Variants in C2orf80 observed in about 807,000 individuals in gnomAD.
C2orf80 encodes the protein chromosome 2 open reading frame 80.
A neutral mutation model predicts 30.2 loss-of-function variants in C2orf80; 28 were observed. That is an observed-to-expected ratio of 0.93 (90% CI 0.69 to 1.27). The LOEUF is 1.27. C2orf80 is among the 50% of genes most tolerant of loss of function. The probability of loss-of-function intolerance (pLI) is 0.00; values close to 1 mark genes in which losing one functional copy is unlikely to be tolerated. For missense variants in C2orf80, 220 were observed against 231.0 expected (o/e 0.95, Z 0.31); for synonymous variants, 80 against 76.4 (o/e 1.05, Z -0.24).
In C2orf80 at chr2:208,165,788, A is replaced by G; in HGVS notation, c.*19T>C. 1 of 1,612,540 alleles carries G rather than the reference A, an allele frequency of 6.2e-7. No homozygotes were observed. The highest frequency in any genetic ancestry group is 8.5e-7 in the Non-Finnish European group (1 of 1,179,576). ...CCCAGAGAATCTATTATGAAGTTCC[A>G]TGGTACAATTCCAATTTTCTAAGTG... On this transcript the variant is annotated 3_prime_UTR_variant, in exon 9 of 9. Coordinates refer to ENST00000341287, the MANE Select transcript of C2orf80 (RefSeq NM_001099334.3).
At chr2:208,166,972 T>G (rs2105887113) in intron 8 of C2orf80, among the ~76,000 whole-genome samples, 1 of 152,246 alleles carries the variant, frequency 6.6e-6, no homozygotes, top group East Asian at 1.9e-4. Flanking sequence ...TTTCTAAGCC[T>G]TTACACATAT....
chr2:208,171,954 A>C, intron 7 of C2orf80, 34 bp downstream of exon 7: 1 of 1,546,500 alleles, frequency 6.5e-7, no homozygotes, highest in Non-Finnish European at 8.9e-7. Context: ...TTTGACTTAC[A>C]TTCCTCTAAG....
chr2:208,170,880 G>A, intron 8 of C2orf80, 65 bp downstream of exon 8: 1 of 1,289,984 alleles, frequency 7.8e-7, no homozygotes, highest in Non-Finnish European at 1.1e-6. Flanking sequence ...TTTAACCACG[G>A]TATCAGGAAA....
intron 6 of C2orf80, among the ~76,000 whole-genome samples, chr2:208,180,499 G>A (rs1696521897): frequency 6.6e-6 from 1 of 151,088 alleles, no homozygotes; most frequent in African/African-American, 2.4e-5. Flanking sequence ...CCCCAAGCCT[G>A]GTACTCATTG....
chr2:208,177,679 A>T (rs550017166), intron 6 of C2orf80, among the ~76,000 whole-genome samples: 65 of 152,266 alleles, frequency 4.3e-4, no homozygotes, highest in South Asian at 3.7e-3. Context: ...AATGGGGACT[A>T]TGTGTCACTG....
intron 2 of C2orf80, among the ~76,000 whole-genome samples, chr2:208,185,448 T>C (rs1696690252): frequency 6.6e-6 from 1 of 152,230 alleles, no homozygotes; most frequent in African/African-American, 2.4e-5. Flanking sequence ...TAGGTAAGTA[T>C]TCTTTTGCCG....
intron 6 of C2orf80, among the ~76,000 whole-genome samples, chr2:208,177,402 G>A (rs149246883): frequency 0.052 from 7,921 of 151,910 alleles, 620 homozygotes; most frequent in African/African-American, 0.17. Flanking sequence ...TTAGCCAGGC[G>A]TGGTAACGCA....
intron 1 of C2orf80, among the ~76,000 whole-genome samples, chr2:208,188,639 G>A (rs535614554): frequency 6.6e-6 from 1 of 152,034 alleles, no homozygotes; most frequent in East Asian, 1.9e-4. Flanking sequence ...GTAGAGACCG[G>A]GTGGTGTCAT....
intron 6 of C2orf80, among the ~76,000 whole-genome samples, chr2:208,176,289 C>T (rs1194178364): frequency 6.6e-6 from 1 of 152,154 alleles, no homozygotes; most frequent in Non-Finnish European, 1.5e-5. Flanking sequence ...AATTCCCCTG[C>T]CTCAGCCTCC....
In C2orf80 at chr2:208,179,540, C is replaced by T. The variant is rs573073076; in HGVS notation, c.366+1205G>A. Among the ~76,000 whole-genome samples, 9 of 152,322 alleles carry T rather than the reference C, an allele frequency of 5.9e-5. No individual in the cohort carries two copies. In the South Asian group the frequency reaches 1.7e-3, roughly 28 times the overall value. The stretch of plus-strand genomic sequence containing the variant: ...CCCCCCTCCCACTGCATGGCCCTCG[C>T]CACCTCACCTTCCCTTTCCTCTTGC... On this transcript the variant is annotated intron_variant, in intron 6 of 8. Coordinates refer to ENST00000341287, the MANE Select transcript of C2orf80 (RefSeq NM_001099334.3).
chr2:208,185,106 T>TTC (rs536100619), intron 2 of C2orf80, 74 bp from the exon 3 acceptor site: 348 of 965,094 alleles, frequency 3.6e-4, no homozygotes, highest in South Asian at 5.6e-4. Flanking sequence ...CTTTTTTTTT[T>TTC]CCCATCCCTC....
chr2:208,176,679 C>A (rs1696307524), intron 6 of C2orf80, among the ~76,000 whole-genome samples: 1 of 152,004 alleles, frequency 6.6e-6, no homozygotes, highest in South Asian at 2.1e-4. Flanking sequence ...ATTCCCACGA[C>A]AACCCCATCT....
chr2:208,176,971 A>ATATCTGTATACATATGTATACATATCTG (rs1491445115), intron 6 of C2orf80, among the ~76,000 whole-genome samples: 1 of 106,010 alleles, frequency 9.4e-6, no homozygotes, highest in Non-Finnish European at 2.1e-5. Flanking sequence ...ATATGTATAC[A>ATATCTGTATACATATGTATACATATCTG]TATATACAGA....
intron 1 of C2orf80, among the ~76,000 whole-genome samples, chr2:208,189,102 A>G (rs1696803751): frequency 6.6e-6 from 1 of 152,248 alleles, no homozygotes; most frequent in Admixed American, 6.5e-5. Flanking sequence ...AAAGTCTGGC[A>G]TGCATTAAAA....
At chr2:208,168,414 C>T (rs7589065) in intron 8 of C2orf80, 164,450 of 279,270 alleles carry the variant, frequency 0.59, 52,479 homozygotes, top group Non-Finnish European at 0.7. Context: ...TGGCTCAAGC[C>T]TGTAATCCCA....
At chr2:208,177,828 A>ATTT (rs1230908671) in intron 6 of C2orf80, among the ~76,000 whole-genome samples, 1 of 146,714 alleles carries the variant, frequency 6.8e-6, no homozygotes, top group Admixed American at 6.8e-5. Context: ...TTATTTATTT[A>ATTT]TTTTTTATTT....
At position 208,176,950 on chromosome 2, in the gene C2orf80, T is replaced by TGTATACAC. The variant is rs1553597412; in HGVS notation, c.366+3794_366+3795insGTGTATAC. Among the ~76,000 whole-genome samples the TGTATACAC allele has an allele frequency of 1.8e-4, 6 of 32,890 alleles. 1 individual carries two copies. The highest frequency in any genetic ancestry group is 6.1e-4 in the African/African-American group (6 of 9,846). The allele number at this position is 32,890 out of a possible 152,430, so 21.6% of individuals were successfully genotyped here. On this transcript the variant is annotated intron_variant, in intron 6 of 8. Coordinates refer to ENST00000341287, the MANE Select transcript of C2orf80 (RefSeq NM_001099334.3). ...ACATATGTATACATATCTGTATACA[T>TGTATACAC]ATCTGTATACATATGTATACATATA...
At chr2:208,177,548 A>C (rs72974831) in intron 6 of C2orf80, among the ~76,000 whole-genome samples, 4,932 of 152,184 alleles carry the variant, frequency 0.032, 126 homozygotes, top group Non-Finnish European at 0.05. Flanking sequence ...TCTCAAGAAA[A>C]AAACAAACAA....
At chr2:208,168,395 CG>C (rs750534700) in intron 8 of C2orf80, 2 of 313,668 alleles carry the variant, frequency 6.4e-6, no homozygotes, top group South Asian at 2.6e-5. Context: ...AGAGTTGGGC[CG>C]GGCGCGGTGG....
Sources: gnomAD v4.1 joint callset for allele counts (sites outside exome capture counted in the v4.1 genomes callset) on GRCh38, gnomAD v4.1.1 for gene constraint, MANE v1.5 for transcripts, NCBI Gene and HGNC (gene_info 2026-07-23, HGNC 2026-07-21) for gene names.